The following ZFAND3 variants were observed in gnomAD, a reference collection of about 807,000 sequenced individuals.
The protein encoded by ZFAND3 is zinc finger AN1-type containing 3.
A neutral mutation model predicts 29.6 loss-of-function variants in ZFAND3; 10 were observed. The observed-to-expected ratio is 0.34, with a 90% CI of 0.21 to 0.57. The LOEUF (loss-of-function observed/expected upper bound fraction) is 0.57, where lower values mean the gene tolerates loss of function less well. Ranked by LOEUF, ZFAND3 falls within the 20% of genes least tolerant of loss-of-function variation. The pLI is 0.86. For missense variants in ZFAND3, 230 were observed against 304.5 expected, an observed-to-expected ratio of 0.76 and a Z score of 1.82; for synonymous variants, 128 against 112.6, an observed-to-expected ratio of 1.14 and a Z score of -0.87.
At chr6:37,985,524 CA>C (rs1561956599) in intron 2 of ZFAND3, among the ~76,000 whole-genome samples, 7 of 148,656 alleles carry the variant, frequency 4.7e-5, no homozygotes, top group African/African-American at 1.3e-4. Context: ...CACACACACA[CA>C]CACCCCCACA....
intron 1 of ZFAND3, among the ~76,000 whole-genome samples, chr6:37,846,618 G>A (rs529448714): frequency 9.9e-5 from 15 of 151,968 alleles, no homozygotes; most frequent in Non-Finnish European, 2.1e-4. Context: ...GGAACTTGCC[G>A]AAGCTCACTC....
chr6:38,046,526 G>C (rs1037416877), intron 2 of ZFAND3, among the ~76,000 whole-genome samples: 2 of 152,170 alleles, frequency 1.3e-5, no homozygotes, highest in African/African-American at 4.8e-5. Flanking sequence ...AACCAGATTG[G>C]ATTAACTAGG....
At chr6:37,966,602 TA>T (rs769342093) in intron 2 of ZFAND3, among the ~76,000 whole-genome samples, 91 of 147,662 alleles carry the variant, frequency 6.2e-4, no homozygotes, top group South Asian at 1.1e-3. Context: ...GGATTTACCT[TA>T]AAAAAAAAAA....
At chr6:38,146,920 G>C (rs543292171) in intron 5 of ZFAND3, among the ~76,000 whole-genome samples, 4 of 151,776 alleles carry the variant, frequency 2.6e-5, no homozygotes, top group Admixed American at 1.3e-4. Flanking sequence ...ATGTGAATGA[G>C]TCAGTGAATT....
chr6:37,887,382 CAACT>C (rs1381115175), intron 1 of ZFAND3, among the ~76,000 whole-genome samples: 1 of 151,906 alleles, frequency 6.6e-6, no homozygotes, highest in Non-Finnish European at 1.5e-5. Flanking sequence ...TACTTTGTAC[CAACT>C]AAAGCATTTG....
At chr6:37,843,163 G>A (rs1436566733) in intron 1 of ZFAND3, among the ~76,000 whole-genome samples, 2 of 150,568 alleles carry the variant, frequency 1.3e-5, no homozygotes. Context: ...AGCCCACTGT[G>A]CCTTGACTAT....
chr6:37,906,431 A>G (rs1451430033), intron 1 of ZFAND3, among the ~76,000 whole-genome samples: 2 of 152,190 alleles, frequency 1.3e-5, no homozygotes, highest in African/African-American at 4.8e-5. Context: ...TTATCCAGTA[A>G]TCAGTTGATA....
intron 1 of ZFAND3, among the ~76,000 whole-genome samples, chr6:37,827,110 C>G (rs1423976726): frequency 2.0e-5 from 3 of 152,116 alleles, no homozygotes; most frequent in Admixed American, 2.0e-4. Flanking sequence ...TAATTTAGCT[C>G]TAAATTTCTT....
rs35827782 is a variant in ZFAND3 at position 38,064,666 on chromosome 6, CTTTT to C, written c.295+2908_295+2911del. Among the ~76,000 whole-genome samples the C allele has an allele frequency of 0.02, 2,369 of 115,908 alleles. 210 individuals carry two copies. In the East Asian group the frequency reaches 0.31, roughly 15 times the overall value. The allele number at this position is 115,908 out of a possible 152,430, so 76.0% of individuals were successfully genotyped here. Reference sequence around the variant, plus strand: ...TTAGGCCACTGTAGACTGCTATGGGCTTTTTTTTTTTTTTTTTTTTAATATGAAT... The same window carrying C: ...TTAGGCCACTGTAGACTGCTATGGGCTTTTTTTTTTTTTTTTAATATGAAT... On this transcript the variant is annotated intron_variant, in intron 3 of 5. Transcript: ENST00000287218.
At chr6:37,926,391 G>A (rs1761485051) in intron 1 of ZFAND3, among the ~76,000 whole-genome samples, 1 of 152,178 alleles carries the variant, frequency 6.6e-6, no homozygotes, top group African/African-American at 2.4e-5. Context: ...TCCAGCTTCT[G>A]GGGGCTGCCC....
intron 1 of ZFAND3, among the ~76,000 whole-genome samples, chr6:37,867,311 G>A (rs528230477): frequency 6.6e-6 from 1 of 151,920 alleles, no homozygotes; most frequent in African/African-American, 2.4e-5. Flanking sequence ...ATTTTCGTGC[G>A]TGAAAAATTC....
Position 37,830,883 on chromosome 6 carries a change from T to G in ZFAND3, c.71+10867T>G, listed in dbSNP as rs115491108. On this transcript the variant is annotated intron_variant, in intron 1 of 5. Coordinates refer to ENST00000287218, the MANE Select transcript of ZFAND3 (RefSeq NM_021943.3). ...GTGAATACATATGGGGAAGTTACAT[T>G]AGATCTTAAAGAATTTAACAGTAGT... Among the ~76,000 whole-genome samples the G allele has an allele frequency of 1.3e-3, 205 of 152,314 alleles. 1 individual carries two copies. Among genetic ancestry groups the G allele is most frequent in the African/African-American group, 4.8e-3 (199 of 41,566 alleles).
chr6:37,923,570 T>G (rs1338579855), intron 1 of ZFAND3, among the ~76,000 whole-genome samples: 1 of 152,250 alleles, frequency 6.6e-6, no homozygotes, highest in Non-Finnish European at 1.5e-5. Context: ...TAAAGTATAG[T>G]AAATACACAA....
In ZFAND3 at chr6:38,153,404, G is replaced by T. The variant is rs540781336; in HGVS notation, c.*1015G>T. On this transcript the variant is annotated 3_prime_UTR_variant, in exon 6 of 6. Coordinates refer to ENST00000287218, the MANE Select transcript of ZFAND3 (RefSeq NM_021943.3). ...CTCCAGGGGCCAAGAGGATGATGTC[G>T]TGGCCTCCATTCTCGTTTCTATGCA... 6.2e-5 allele frequency: 61 copies of T among 985,348 alleles called. No homozygotes were observed. The highest frequency in any genetic ancestry group is 3.7e-4 in the Admixed American group (6 of 16,272). The allele number at this position is 985,348 out of a possible 1,614,324, so 61.0% of individuals were successfully genotyped here. A position where few individuals can be genotyped will look rare whatever the true frequency, so the allele number is the denominator to read the frequency against.
At chr6:38,007,897 G>A (rs545572745) in intron 2 of ZFAND3, among the ~76,000 whole-genome samples, 1 of 152,276 alleles carries the variant, frequency 6.6e-6, no homozygotes, top group South Asian at 2.1e-4. Flanking sequence ...GACTGTGGAA[G>A]GGATAACTTG....
chr6:38,074,698 A>G (rs2127468263), intron 3 of ZFAND3, among the ~76,000 whole-genome samples: 1 of 152,352 alleles, frequency 6.6e-6, no homozygotes, highest in African/African-American at 2.4e-5. Context: ...CAGATTTTCA[A>G]AATAGCGAAA....
At chr6:38,064,730 A>G (rs913959185) in intron 3 of ZFAND3, among the ~76,000 whole-genome samples, 2 of 144,378 alleles carry the variant, frequency 1.4e-5, no homozygotes, top group Non-Finnish European at 3.0e-5. Flanking sequence ...TAGTTCTACT[A>G]GCTTCGTTTC....
chr6:38,117,592 ATTGT>A (rs926827046), intron 5 of ZFAND3, among the ~76,000 whole-genome samples: 35 of 152,290 alleles, frequency 2.3e-4, no homozygotes, highest in African/African-American at 7.9e-4. Flanking sequence ...ATATTATAAA[ATTGT>A]TTGAGGACCA....
At chr6:38,045,262 A>G (rs1045496922) in intron 2 of ZFAND3, among the ~76,000 whole-genome samples, 1 of 151,298 alleles carries the variant, frequency 6.6e-6, no homozygotes, top group Non-Finnish European at 1.5e-5. Context: ...TAATTTTTGT[A>G]TTTTTAGTAG....
Sources: gnomAD v4.1 joint callset for allele counts (sites outside exome capture counted in the v4.1 genomes callset) on GRCh38, gnomAD v4.1.1 for gene constraint, MANE v1.5 for transcripts, NCBI Gene and HGNC (gene_info 2026-07-23, HGNC 2026-07-21) for gene names.